NELL1: variants seen among roughly 807,000 people sequenced by gnomAD.
NELL1 encodes neural EGFL like 1, also known as protein kinase C-binding protein NELL1.
NELL1 carries 76 observed loss-of-function variants against 107.4 expected under a neutral mutation model. That is an observed-to-expected ratio of 0.71 (90% CI 0.59 to 0.86). The LOEUF (loss-of-function observed/expected upper bound fraction) is 0.86, where lower values mean the gene tolerates loss of function less well. NELL1 is among the 40% of genes least tolerant of loss of function. NELL1 has a pLI of 0.00. For missense variants in NELL1, 1,024 were observed against 1,005.5 expected, an observed-to-expected ratio of 1.02 and a Z score of -0.25; for synonymous variants, 353 against 341.2, an observed-to-expected ratio of 1.03 and a Z score of -0.38.
At chr11:21,516,238 A>G (rs1363255746) in intron 15 of NELL1, among the ~76,000 whole-genome samples, 1 of 152,190 alleles carries the variant, frequency 6.6e-6, no homozygotes, top group African/African-American at 2.4e-5. Context: ...TGTACTTATC[A>G]GGGTTGCTAT....
chr11:21,238,528 A>T (rs1316243176), intron 14 of NELL1, among the ~76,000 whole-genome samples: 1 of 152,108 alleles, frequency 6.6e-6, no homozygotes, highest in East Asian at 1.9e-4. Context: ...GAGAGGTCGT[A>T]GTGGAGAGGC....
rs189632684 is a variant in NELL1 at position 21,200,719 on chromosome 11, C to T, written c.1427-28613C>T. On this transcript the variant is annotated intron_variant, in intron 13 of 19. Coordinates refer to ENST00000357134, the MANE Select transcript of NELL1 (RefSeq NM_006157.5). The stretch of plus-strand genomic sequence containing the variant: ...ACGAAGTCTTTGCCCATGCCTGTGT[C>T]TTGAATGGTATTGCCTAGGTTTTCT... Among the ~76,000 whole-genome samples, 5 of 152,250 alleles carry T rather than the reference C, an allele frequency of 3.3e-5. No homozygotes were observed. In the East Asian group the frequency reaches 9.6e-4, roughly 29 times the overall value.
intron 12 of NELL1, among the ~76,000 whole-genome samples, chr11:21,014,952 A>T (rs1299062907): frequency 6.6e-6 from 1 of 152,008 alleles, no homozygotes; most frequent in Non-Finnish European, 1.5e-5. Flanking sequence ...GAACTTCCCC[A>T]TTGTATTTAT....
chr11:20,826,596 A>G (rs1857889490), intron 3 of NELL1, among the ~76,000 whole-genome samples: 1 of 151,212 alleles, frequency 6.6e-6, no homozygotes, highest in Admixed American at 6.7e-5. Context: ...TCCTCTCTGG[A>G]CACTCCTCTC....
At chr11:21,556,259 AC>A (rs1238991729) in intron 16 of NELL1, among the ~76,000 whole-genome samples, 2 of 151,932 alleles carry the variant, frequency 1.3e-5, no homozygotes, top group Non-Finnish European at 2.9e-5. Flanking sequence ...CGCTGGGTAA[AC>A]TTTTGTTTCT....
intron 2 of NELL1, among the ~76,000 whole-genome samples, chr11:20,706,710 C>A (rs1382181081): frequency 6.6e-6 from 1 of 152,020 alleles, no homozygotes; most frequent in Non-Finnish European, 1.5e-5. Context: ...TTGGCCCCCA[C>A]TTTTTTCTGA....
At chr11:21,207,898 T>G (rs932598983) in intron 13 of NELL1, among the ~76,000 whole-genome samples, 1 of 152,194 alleles carries the variant, frequency 6.6e-6, no homozygotes, top group Non-Finnish European at 1.5e-5. Flanking sequence ...TTTCTTTTTT[T>G]AAAAATAAAT....
chr11:21,560,182 A>T lies in NELL1; in HGVS notation c.1787-7A>T. 6.2e-7 allele frequency: 1 copy of T among 1,613,240 alleles called. No homozygotes were observed. The highest frequency in any genetic ancestry group is 1.1e-5 in the South Asian group (1 of 91,072). On this transcript the variant is annotated splice_region_variant and splice_polypyrimidine_tract_variant and intron_variant, in intron 16 of 19. Coordinates refer to ENST00000357134, the MANE Select transcript of NELL1 (RefSeq NM_006157.5). ...GATTCTAAGCTTCTGTGCTTCCTATATTGCAGACATTGATGAATGTGCCTT... is the reference window on the plus strand; with the variant it reads ...GATTCTAAGCTTCTGTGCTTCCTATTTTGCAGACATTGATGAATGTGCCTT...
At chr11:20,707,008 A>T (rs1432833493) in intron 2 of NELL1, among the ~76,000 whole-genome samples, 1 of 152,204 alleles carries the variant, frequency 6.6e-6, no homozygotes, top group Non-Finnish European at 1.5e-5. Flanking sequence ...TACACCAATC[A>T]GATGTAGACT....
intron 15 of NELL1, among the ~76,000 whole-genome samples, chr11:21,483,884 C>CACAT (rs565409195): frequency 3.4e-5 from 4 of 118,858 alleles, no homozygotes; most frequent in East Asian, 2.2e-4. Flanking sequence ...CACACACACA[C>CACAT]ATATATATAT....
intron 14 of NELL1, among the ~76,000 whole-genome samples, chr11:21,359,805 C>A (rs986821621): frequency 9.9e-5 from 15 of 152,148 alleles, no homozygotes; most frequent in African/African-American, 3.1e-4. Flanking sequence ...CTTGAATGAT[C>A]TTTTGTATTT....
intron 4 of NELL1, among the ~76,000 whole-genome samples, chr11:20,856,249 C>T (rs1188041656): frequency 9.9e-5 from 15 of 152,164 alleles, no homozygotes; most frequent in South Asian, 2.1e-4. Context: ...TTTCTGCCAG[C>T]AAGGGTTGTA....
Position 21,113,636 on chromosome 11 carries a change from G to C in NELL1, c.1348G>C (p.Val450Leu), listed in dbSNP as rs776461296. ...AKMHYCHANT[V>L]CVNLPGLYRC... ...GATGCATTACTGTCATGCCAATACT[G>C]TGTGTGTCAACCTTCCTGGGTTATA... The change falls in exon 13 of 20, where the codon GTG becomes CTG. Residue 450 changes from valine to leucine, a missense_variant. Val to Leu is a conservative substitution (Grantham distance 32). Transcript: ENST00000357134. The C allele has an allele frequency of 6.2e-7, 1 of 1,612,074 alleles. No individual in the cohort carries two copies. The highest frequency in any genetic ancestry group is 8.5e-7 in the Non-Finnish European group (1 of 1,178,690).
At chr11:21,457,947 G>A (rs138701142) in intron 15 of NELL1, among the ~76,000 whole-genome samples, 17 of 152,254 alleles carry the variant, frequency 1.1e-4, no homozygotes, top group African/African-American at 3.8e-4. Context: ...GGGCTTTGTA[G>A]TTAGAAGGTC....
intron 9 of NELL1, among the ~76,000 whole-genome samples, chr11:20,935,193 A>G (rs1025012618): frequency 6.6e-6 from 1 of 152,182 alleles, no homozygotes; most frequent in East Asian, 1.9e-4. Flanking sequence ...GGGGTGTACA[A>G]TTAAATGGGA....
intron 2 of NELL1, among the ~76,000 whole-genome samples, chr11:20,686,454 G>A (rs1349850504): frequency 6.6e-6 from 1 of 152,110 alleles, no homozygotes; most frequent in Non-Finnish European, 1.5e-5. Context: ...GAATTTAATT[G>A]AGCAAAGAAT....
intron 15 of NELL1, among the ~76,000 whole-genome samples, chr11:21,373,289 A>T (rs1020518378): frequency 2.0e-5 from 3 of 152,082 alleles, no homozygotes; most frequent in African/African-American, 7.2e-5. Context: ...ATCTTGTCTG[A>T]GTTATTTTGT....
At chr11:20,898,043 C>T (rs1023282909) in intron 5 of NELL1, among the ~76,000 whole-genome samples, 1 of 152,116 alleles carries the variant, frequency 6.6e-6, no homozygotes, top group African/African-American at 2.4e-5. Flanking sequence ...CTAGAAATAC[C>T]ATTTGACCCA....
chr11:21,572,355 T>A (rs920234054), intron 18 of NELL1, among the ~76,000 whole-genome samples: 1 of 151,844 alleles, frequency 6.6e-6, no homozygotes, highest in African/African-American at 2.4e-5. Flanking sequence ...TCATACTTAA[T>A]AAATATTCAA....
Sources: gnomAD v4.1 joint callset for allele counts (sites outside exome capture counted in the v4.1 genomes callset) on GRCh38, gnomAD v4.1.1 for gene constraint, MANE v1.5 for transcripts, NCBI Gene and HGNC (gene_info 2026-07-23, HGNC 2026-07-21) for gene names.